MTUS2: variants seen among roughly 807,000 people sequenced by gnomAD.
The protein encoded by MTUS2 is microtubule associated scaffold protein 2.
A neutral mutation model predicts 114.1 loss-of-function variants in MTUS2; 40 were observed. The observed-to-expected ratio is 0.35, with a 90% CI of 0.27 to 0.46. The LOEUF is 0.46. Ranked by LOEUF, MTUS2 falls within the 20% of genes least tolerant of loss-of-function variation. The pLI is 1.00. For synonymous variants in MTUS2, 688 were observed against 672.0 expected (o/e 1.02, Z -0.37); for missense variants, 1,679 against 1,705.4 (o/e 0.98, Z 0.27).
chr13:29,423,233 G>A (rs1876251373), intron 8 of MTUS2, among the ~76,000 whole-genome samples: 2 of 152,194 alleles, frequency 1.3e-5, no homozygotes, highest in Admixed American at 6.5e-5. Flanking sequence ...GATTTATTCA[G>A]TGATTTCTTC....
intron 5 of MTUS2, among the ~76,000 whole-genome samples, chr13:29,243,928 T>A (rs1896818578): frequency 6.6e-6 from 1 of 152,106 alleles, no homozygotes; most frequent in South Asian, 2.1e-4. Flanking sequence ...GTGGGAGTAG[T>A]TGGGATTAAT....
At chr13:28,935,152 C>T (rs1158394733) in intron 2 of MTUS2, among the ~76,000 whole-genome samples, 1 of 151,424 alleles carries the variant, frequency 6.6e-6, no homozygotes, top group African/African-American at 2.4e-5. Flanking sequence ...TTCTTCATTG[C>T]TGTGAAGTGT....
At chr13:29,383,659 A>G (rs953577271) in intron 8 of MTUS2, among the ~76,000 whole-genome samples, 17 of 152,196 alleles carry the variant, frequency 1.1e-4, no homozygotes, top group African/African-American at 4.1e-4. Context: ...TGCAGGGCAG[A>G]ACCAGCCCAT....
At chr13:28,877,689 C>T (rs1021382322) in intron 2 of MTUS2, among the ~76,000 whole-genome samples, 1 of 151,858 alleles carries the variant, frequency 6.6e-6, no homozygotes, top group African/African-American at 2.4e-5. Flanking sequence ...TTAAATGAAT[C>T]CATAAGAAGA....
chr13:29,452,492 G>C (rs996592257), intron 9 of MTUS2, among the ~76,000 whole-genome samples: 4 of 151,738 alleles, frequency 2.6e-5, no homozygotes. Flanking sequence ...CTGGGCTCAA[G>C]TGATCCTCCT....
At chr13:28,893,778 C>T (rs1295350246) in intron 2 of MTUS2, among the ~76,000 whole-genome samples, 2 of 152,108 alleles carry the variant, frequency 1.3e-5, no homozygotes, top group African/African-American at 4.8e-5. Context: ...AACAGACATT[C>T]CATATGAATA....
chr13:29,038,741 C>T (rs983097432), intron 4 of MTUS2, among the ~76,000 whole-genome samples: 1 of 152,252 alleles, frequency 6.6e-6, no homozygotes, highest in Non-Finnish European at 1.5e-5. Flanking sequence ...ATGCCCTGCC[C>T]AGACGGGAGG....
At chr13:29,363,792 G>T (rs1386183175) in intron 8 of MTUS2, among the ~76,000 whole-genome samples, 1 of 152,154 alleles carries the variant, frequency 6.6e-6, no homozygotes, top group Non-Finnish European at 1.5e-5. Flanking sequence ...GGTAGGTAGG[G>T]AGGATTCAAA....
rs180960080 is a variant in MTUS2, at chr13:29,242,884, G to A, written c.2645-38820G>A. Among the ~76,000 whole-genome samples the A allele has an allele frequency of 2.0e-5, 3 of 152,244 alleles. No individual in the cohort carries two copies. The East Asian group carries it at 5.8e-4, about 29-fold the overall frequency. Reference sequence around the variant, plus strand: ...ATAGTACCATTTGTCATCTTTTATAGATTAAACTGGTTCAGAGAGGTTAAG... The same window carrying A: ...ATAGTACCATTTGTCATCTTTTATAAATTAAACTGGTTCAGAGAGGTTAAG... On this transcript the variant is annotated intron_variant, in intron 5 of 15. Transcript: ENST00000612955.
At chr13:28,858,255 T>C (rs967609658) in intron 2 of MTUS2, among the ~76,000 whole-genome samples, 2 of 152,092 alleles carry the variant, frequency 1.3e-5, no homozygotes, top group African/African-American at 4.8e-5. Flanking sequence ...AGATTTTTAG[T>C]TTATGTAAGT....
intron 5 of MTUS2, among the ~76,000 whole-genome samples, chr13:29,166,421 C>T (rs1893320311): frequency 6.6e-6 from 1 of 152,184 alleles, no homozygotes; most frequent in African/African-American, 2.4e-5. Context: ...CATGGGTACT[C>T]TTGTTCCAGC....
At chr13:29,203,438 C>A (rs1895043645) in intron 5 of MTUS2, among the ~76,000 whole-genome samples, 2 of 152,102 alleles carry the variant, frequency 1.3e-5, no homozygotes, top group African/African-American at 4.8e-5. Context: ...TGGATCTTAG[C>A]TTGCTGGGCT....
chr13:29,461,589 G>A (rs1295813062), intron 9 of MTUS2, among the ~76,000 whole-genome samples: 4 of 152,196 alleles, frequency 2.6e-5, no homozygotes, highest in Non-Finnish European at 5.9e-5. Context: ...GTTCTCACTG[G>A]TGGAAACAGG....
chr13:29,058,521 A>G (rs1311383745), intron 4 of MTUS2, among the ~76,000 whole-genome samples: 2 of 146,166 alleles, frequency 1.4e-5, no homozygotes, highest in African/African-American at 2.5e-5. Context: ...TATTTTGGAG[A>G]ACTGGTCTTT....
At position 29,148,782 on chromosome 13, in the gene MTUS2, G is replaced by T. The variant is rs1892549352; in HGVS notation, c.2644+47812G>T. Among the ~76,000 whole-genome samples the T allele has an allele frequency of 1.3e-5, 2 of 150,184 alleles. 1 individual carries two copies. Among genetic ancestry groups the T allele is most frequent in the Non-Finnish European group, 3.0e-5 (2 of 67,476 alleles). On this transcript the variant is annotated intron_variant, in intron 5 of 15. Coordinates refer to ENST00000612955, the MANE Select transcript of MTUS2 (RefSeq NM_001033602.4). The stretch of plus-strand genomic sequence containing the variant: ...CGTGAGCCACCGCGCCCGGCCCTGT[G>T]TTTGGTTTTCTGTTCCTGCCTTAGT...
chr13:29,043,647 T>A (rs920366168), intron 4 of MTUS2, among the ~76,000 whole-genome samples: 4 of 151,564 alleles, frequency 2.6e-5, no homozygotes, highest in African/African-American at 9.7e-5. Flanking sequence ...ATATATATAT[T>A]TAGGGTTGTG....
intron 2 of MTUS2, among the ~76,000 whole-genome samples, chr13:28,962,251 CAGTCA>C (rs1883365073): frequency 1.3e-5 from 2 of 151,950 alleles, no homozygotes; most frequent in Non-Finnish European, 2.9e-5. Context: ...ACTCTTCCAC[CAGTCA>C]AGTCAAGAGT....
intron 8 of MTUS2, among the ~76,000 whole-genome samples, chr13:29,362,831 G>A (rs964793028): frequency 1.3e-5 from 2 of 152,178 alleles, no homozygotes; most frequent in African/African-American, 4.8e-5. Context: ...AAAAGAATTA[G>A]AAGCCCAGAT....
chr13:28,835,053 G>A (rs868771034), intron 1 of MTUS2, among the ~76,000 whole-genome samples: 59 of 152,282 alleles, frequency 3.9e-4, no homozygotes, highest in African/African-American at 1.4e-3. Context: ...TTGGAAGCCT[G>A]GTACTTGCTG....
Sources: allele counts gnomAD v4.1 joint callset (sites outside exome capture counted in the v4.1 genomes callset), GRCh38; gene constraint gnomAD v4.1.1; transcripts MANE v1.5; gene names NCBI Gene and HGNC (gene_info 2026-07-23, HGNC 2026-07-21).